The following LRP1B variants were observed in gnomAD, a reference collection of about 807,000 sequenced individuals.
LRP1B encodes LDL receptor related protein 1B.
LRP1B carries 217 observed loss-of-function variants against 556.6 expected under a neutral mutation model. The observed-to-expected ratio is 0.39, with a 90% CI of 0.35 to 0.44. The LOEUF is 0.44. Among genes scored for constraint, LRP1B ranks in the 20% least tolerant of loss-of-function variants. LRP1B has a pLI of 1.00. For missense variants in LRP1B, 5,053 were observed against 5,620.8 expected (o/e 0.90, Z 3.23); for synonymous variants, 2,047 against 1,865.8 (o/e 1.10, Z -2.50).
intron 66 of LRP1B, among the ~76,000 whole-genome samples, chr2:140,419,297 A>G (rs1685334015): frequency 1.3e-5 from 2 of 152,334 alleles, no homozygotes; most frequent in Admixed American, 6.5e-5. Flanking sequence ...ATTTCAAAAG[A>G]TAAGTGAAAA....
chr2:140,310,880 T>C (rs1684268385), intron 83 of LRP1B, among the ~76,000 whole-genome samples: 1 of 151,750 alleles, frequency 6.6e-6, no homozygotes, highest in South Asian at 2.1e-4. Flanking sequence ...AAATGCATCA[T>C]AAACAAAAGT....
intron 1 of LRP1B, among the ~76,000 whole-genome samples, chr2:141,880,663 C>T (rs1026764325): frequency 6.6e-6 from 1 of 151,920 alleles, no homozygotes; most frequent in Non-Finnish European, 1.5e-5. Context: ...TCATGCACTG[C>T]TTATTGAAGT....
At chr2:141,912,718 C>A (rs969944525) in intron 1 of LRP1B, among the ~76,000 whole-genome samples, 1 of 152,078 alleles carries the variant, frequency 6.6e-6, no homozygotes, top group African/African-American at 2.4e-5. Context: ...AGATGTCCTC[C>A]CTATACTAGA....
chr2:141,083,775 G>T (rs1699982508), intron 7 of LRP1B, among the ~76,000 whole-genome samples: 1 of 152,144 alleles, frequency 6.6e-6, no homozygotes, highest in African/African-American at 2.4e-5. Context: ...CTGATGCCCT[G>T]TGCCACCTCA....
intron 1 of LRP1B, among the ~76,000 whole-genome samples, chr2:141,815,915 CAGT>C (rs1432071788): frequency 6.6e-6 from 1 of 152,060 alleles, no homozygotes; most frequent in Non-Finnish European, 1.5e-5. Context: ...ACTCTGGACA[CAGT>C]AGAACAGTAA....
intron 6 of LRP1B, among the ~76,000 whole-genome samples, chr2:141,199,239 A>G (rs1681892884): frequency 6.6e-6 from 1 of 152,278 alleles, no homozygotes; most frequent in Non-Finnish European, 1.5e-5. Flanking sequence ...CCAACATCTC[A>G]GCTTACTAGA....
intron 3 of LRP1B, among the ~76,000 whole-genome samples, chr2:141,451,106 G>T (rs950461686): frequency 6.6e-6 from 1 of 152,134 alleles, no homozygotes; most frequent in Non-Finnish European, 1.5e-5. Context: ...GTGATACTGG[G>T]ACGACTGAGG....
At chr2:140,347,957 A>G (rs1316896240) in intron 77 of LRP1B, among the ~76,000 whole-genome samples, 3 of 152,106 alleles carry the variant, frequency 2.0e-5, no homozygotes, top group Non-Finnish European at 1.5e-5. Flanking sequence ...ACAAGTGTTT[A>G]CATGGCAGAG....
intron 66 of LRP1B, among the ~76,000 whole-genome samples, chr2:140,391,626 T>C (rs1684024338): frequency 6.6e-6 from 1 of 152,152 alleles, no homozygotes; most frequent in Non-Finnish European, 1.5e-5. Flanking sequence ...TTAGGTATTA[T>C]CAGCATGGGA....
intron 54 of LRP1B, 151 bp from the exon 55 acceptor site, chr2:140,502,025 T>G (rs2104892904): frequency 1.9e-6 from 1 of 531,340 alleles, no homozygotes. Context: ...GTATAATATC[T>G]TACACCTAAA....
rs1434826225 is a variant in LRP1B, at chr2:140,425,860, A to G, written c.10414+16644T>C. Among the ~76,000 whole-genome samples the G allele has an allele frequency of 9.2e-5, 14 of 152,324 alleles. No individual in the cohort carries two copies. The South Asian group carries it at 2.9e-3, about 32-fold the overall frequency. Reference sequence around the variant, plus strand: ...TTTATACTTATGTGATCATCCACATAAGGCACACAGCTAATACATAGCACT... The same window carrying G: ...TTTATACTTATGTGATCATCCACATGAGGCACACAGCTAATACATAGCACT... On this transcript the variant is annotated intron_variant, in intron 66 of 90. Coordinates refer to ENST00000389484, the MANE Select transcript of LRP1B (RefSeq NM_018557.3).
At chr2:141,050,354 G>A (rs1698999950) in intron 10 of LRP1B, among the ~76,000 whole-genome samples, 1 of 151,714 alleles carries the variant, frequency 6.6e-6, no homozygotes, top group African/African-American at 2.4e-5. Flanking sequence ...TTTACTTTAA[G>A]TTCTGGGTAC....
At chr2:142,011,882 G>A (rs1200085885) in intron 1 of LRP1B, among the ~76,000 whole-genome samples, 1 of 152,058 alleles carries the variant, frequency 6.6e-6, no homozygotes, top group African/African-American at 2.4e-5. Context: ...TTAGGTGAGA[G>A]TCTGTCAGTG....
chr2:140,734,675 G>C (rs1478074348), intron 35 of LRP1B, among the ~76,000 whole-genome samples: 2 of 152,052 alleles, frequency 1.3e-5, no homozygotes, highest in East Asian at 1.9e-4. Context: ...ATTGACAGAT[G>C]GTCCCAGCTT....
intron 49 of LRP1B, among the ~76,000 whole-genome samples, chr2:140,521,960 C>T (rs568590536): frequency 6.6e-6 from 1 of 152,036 alleles, no homozygotes; most frequent in African/African-American, 2.4e-5. Context: ...TACTTCTAGA[C>T]CTACAAAACA....
At chr2:141,142,309 C>T (rs929341436) in intron 7 of LRP1B, among the ~76,000 whole-genome samples, 7 of 152,142 alleles carry the variant, frequency 4.6e-5, no homozygotes, top group African/African-American at 1.7e-4. Flanking sequence ...TCTAGCAGTT[C>T]AATTTCTAAC....
chr2:140,651,470 T>A (rs1684681904), intron 41 of LRP1B, among the ~76,000 whole-genome samples: 2 of 146,654 alleles, frequency 1.4e-5, no homozygotes, highest in South Asian at 2.2e-4. Flanking sequence ...ACCTGCACAT[T>A]GTGCACATGT....
chr2:140,700,701 T>A (rs2105422655), intron 40 of LRP1B, 80 bp from the exon 41 acceptor site: 1 of 1,428,456 alleles, frequency 7.0e-7, no homozygotes, highest in Non-Finnish European at 9.6e-7. Context: ...CATAAAGAAA[T>A]ATTAAAACTT....
At chr2:142,022,666 T>TTTTA (rs1006294991) in intron 1 of LRP1B, among the ~76,000 whole-genome samples, 24 of 151,978 alleles carry the variant, frequency 1.6e-4, no homozygotes, top group African/African-American at 4.3e-4. Flanking sequence ...TTTTATTTTA[T>TTTTA]TTTATTTATT....
Sources: allele counts gnomAD v4.1 joint callset (sites outside exome capture counted in the v4.1 genomes callset), GRCh38; gene constraint gnomAD v4.1.1; transcripts MANE v1.5; gene names NCBI Gene and HGNC (gene_info 2026-07-23, HGNC 2026-07-21).